The following GRID2 variants were observed in gnomAD, a reference collection of about 807,000 sequenced individuals.
GRID2 encodes the protein glutamate receptor ionotropic, delta-2.
A neutral mutation model predicts 114.8 loss-of-function variants in GRID2; 33 were observed. That is an observed-to-expected ratio of 0.29 (90% CI 0.22 to 0.38). The LOEUF (loss-of-function observed/expected upper bound fraction) is 0.38, where lower values mean the gene tolerates loss of function less well. Among genes scored for constraint, GRID2 ranks in the 10% least tolerant of loss-of-function variants. The pLI is 1.00. For missense variants in GRID2, 1,184 were observed against 1,257.7 expected (o/e 0.94, Z 0.89); for synonymous variants, 505 against 449.9 (o/e 1.12, Z -1.55).
At chr4:93,146,627 GAGAA>G (rs1185662879) in intron 4 of GRID2, among the ~76,000 whole-genome samples, 2 of 151,810 alleles carry the variant, frequency 1.3e-5, no homozygotes, top group Admixed American at 1.3e-4. Context: ...GAGAGAAAGA[GAGAA>G]AGAAAGAAGG....
intron 2 of GRID2, among the ~76,000 whole-genome samples, chr4:93,078,170 C>G (rs1209269276): frequency 1.3e-5 from 2 of 152,136 alleles, no homozygotes; most frequent in Non-Finnish European, 2.9e-5. Flanking sequence ...TTTGCACATT[C>G]TATTTCTTCT....
At chr4:93,463,625 C>T (rs1244464136) in intron 11 of GRID2, among the ~76,000 whole-genome samples, 1 of 152,140 alleles carries the variant, frequency 6.6e-6, no homozygotes, top group African/African-American at 2.4e-5. Flanking sequence ...GAAGCTGTTT[C>T]CTAAGAGACA....
At chr4:93,000,700 A>G (rs6815244) in intron 2 of GRID2, among the ~76,000 whole-genome samples, 1 of 151,508 alleles carries the variant, frequency 6.6e-6, no homozygotes, top group East Asian at 1.9e-4. Context: ...ACTTTGTTAA[A>G]CCATAATAAG....
chr4:92,319,771 TAC>T (rs774386425), intron 1 of GRID2, among the ~76,000 whole-genome samples: 11 of 152,316 alleles, frequency 7.2e-5, no homozygotes, highest in Non-Finnish European at 1.5e-4. Context: ...GCAGAATACA[TAC>T]AGTTATGAAA....
intron 2 of GRID2, among the ~76,000 whole-genome samples, chr4:92,930,618 T>A (rs117994669): frequency 0.015 from 2,094 of 142,292 alleles, 17 homozygotes; most frequent in East Asian, 0.053. Flanking sequence ...TCAATGTGAA[T>A]AAATTTACAA....
At chr4:92,740,701 TAGATAGATA>T (rs1736839671) in intron 2 of GRID2, among the ~76,000 whole-genome samples, 123 of 70,574 alleles carry the variant, frequency 1.7e-3, no homozygotes, top group African/African-American at 5.1e-3. Flanking sequence ...GATAGATAGA[TAGATAGATA>T]GATAGATAGA....
intron 1 of GRID2, among the ~76,000 whole-genome samples, chr4:92,377,037 G>C (rs1729387975): frequency 1.3e-5 from 2 of 152,158 alleles, no homozygotes; most frequent in Non-Finnish European, 2.9e-5. Context: ...ACATTTGGCT[G>C]TTTGTTACTT....
intron 2 of GRID2, among the ~76,000 whole-genome samples, chr4:92,838,168 G>A (rs1304556046): frequency 6.6e-6 from 1 of 151,978 alleles, no homozygotes; most frequent in East Asian, 1.9e-4. Flanking sequence ...AATCCCTGTG[G>A]AGATATTAAG....
intron 8 of GRID2, among the ~76,000 whole-genome samples, chr4:93,355,779 T>C (rs1761276697): frequency 6.6e-6 from 1 of 152,060 alleles, no homozygotes; most frequent in Non-Finnish European, 1.5e-5. Context: ...AAAATATATT[T>C]GCCCTGAAAG....
chr4:92,974,950 G>A (rs1270598788), intron 2 of GRID2, among the ~76,000 whole-genome samples: 1 of 151,722 alleles, frequency 6.6e-6, no homozygotes, highest in Admixed American at 6.6e-5. Context: ...AAGGTCAGGA[G>A]ATCTACACCA....
chr4:92,805,241 C>T (rs916937769), intron 2 of GRID2, among the ~76,000 whole-genome samples: 4 of 150,432 alleles, frequency 2.7e-5, no homozygotes, highest in Non-Finnish European at 5.9e-5. Context: ...TGATACTTTT[C>T]TCTCTCTCTC....
intron 14 of GRID2, among the ~76,000 whole-genome samples, chr4:93,728,067 A>G (rs900690797): frequency 1.3e-5 from 2 of 151,774 alleles, no homozygotes; most frequent in African/African-American, 4.8e-5. Flanking sequence ...AGTTCTTTTA[A>G]TTGTGATGTT....
chr4:93,800,918 T>A (rs968305970), intron 1 of GRID2, among the ~76,000 whole-genome samples: 3 of 152,194 alleles, frequency 2.0e-5, no homozygotes, highest in African/African-American at 7.2e-5. Context: ...ACTGAATGAA[T>A]TCAATCTTAC....
intron 13 of GRID2, among the ~76,000 whole-genome samples, chr4:93,611,857 T>C (rs2149664338): frequency 6.6e-6 from 1 of 151,934 alleles, no homozygotes; most frequent in African/African-American, 2.4e-5. Context: ...TGAGTTCAAT[T>C]CCTGGGTATC....
chr4:93,622,618 A>G (rs1742313046), intron 13 of GRID2, among the ~76,000 whole-genome samples: 1 of 152,190 alleles, frequency 6.6e-6, no homozygotes, highest in Admixed American at 6.5e-5. Context: ...CATGAGTAAT[A>G]CTTGAATTAA....
intron 14 of GRID2, among the ~76,000 whole-genome samples, chr4:93,706,598 C>G (rs1389207836): frequency 1.3e-5 from 2 of 152,034 alleles, no homozygotes; most frequent in Non-Finnish European, 2.9e-5. Context: ...TTGTGTATCA[C>G]CTCTAATAGT....
chr4:92,978,148 A>G (rs959382673), intron 2 of GRID2, among the ~76,000 whole-genome samples: 2 of 152,116 alleles, frequency 1.3e-5, no homozygotes, highest in Admixed American at 1.3e-4. Context: ...ATGAAAGGAA[A>G]ATAAGAAAGG....
At chr4:92,518,297 C>T (rs1724604178) in intron 1 of GRID2, among the ~76,000 whole-genome samples, 1 of 151,794 alleles carries the variant, frequency 6.6e-6, no homozygotes, top group African/African-American at 2.4e-5. Context: ...TAAATCCTGG[C>T]CCTGCCAAGA....
chr4:92,850,783 A>T (rs1743718657), intron 2 of GRID2, among the ~76,000 whole-genome samples: 1 of 151,900 alleles, frequency 6.6e-6, no homozygotes, highest in Non-Finnish European at 1.5e-5. Context: ...ACCCACAATG[A>T]CCCAAGAGCA....
Sources: gnomAD v4.1 joint callset for allele counts (sites outside exome capture counted in the v4.1 genomes callset) on GRCh38, gnomAD v4.1.1 for gene constraint, MANE v1.5 for transcripts, NCBI Gene and HGNC (gene_info 2026-07-23, HGNC 2026-07-21) for gene names.